The following ZFHX3 variants were observed in gnomAD, a reference collection of about 807,000 sequenced individuals.
ZFHX3 encodes zinc finger homeobox 3.
In ZFHX3, 42 loss-of-function variants were observed where a neutral mutation model predicts 279.1. The ratio of observed to expected loss-of-function variants is 0.15; its 90% CI spans 0.12 to 0.19. The LOEUF (loss-of-function observed/expected upper bound fraction) is 0.19. ZFHX3 is among the 10% of genes least tolerant of loss of function. The probability of loss-of-function intolerance (pLI) is 1.00; values close to 1 mark genes in which losing one functional copy is unlikely to be tolerated. For synonymous variants in ZFHX3, 2,293 were observed against 1,957.8 expected (o/e 1.17, Z -4.52); for missense variants, 4,981 against 4,754.0 (o/e 1.05, Z -1.40).
chr16:73,249,558 G>GC (rs2013417408), intron 5 of ZFHX3, among the ~76,000 whole-genome samples: 1 of 152,020 alleles, frequency 6.6e-6, no homozygotes, highest in South Asian at 2.1e-4. Context: ...GGGGGAAACC[G>GC]CCCCCAAGAT....
In ZFHX3 at chr16:72,787,883, A is replaced by C; in HGVS notation, c.10393T>G (p.Leu3465Val). Residue 3465 changes from leucine to valine, a missense_variant, in exon 10 of 10, where the codon TTG becomes GTG. This residue lies in a region of ZFHX3 where 1,034 missense variants were observed against 786.0 expected (regional missense o/e 1.32). Transcript: ENST00000268489. ...PFIVPKVQYKLVCRKCQAGFS... is the reference protein window; with the variant it reads ...PFIVPKVQYKVVCRKCQAGFS... ...CCCGCCTGGCACTTGCGGCAGACCA[A>C]CTTGTACTGCACCTTTGGAACAATG... 6.2e-7 allele frequency: 1 copy of C among 1,613,922 alleles called. No homozygotes were observed. The highest frequency in any genetic ancestry group is 8.5e-7 in the Non-Finnish European group (1 of 1,179,988).
intron 4 of ZFHX3, among the ~76,000 whole-genome samples, chr16:73,286,626 T>C (rs1474412475): frequency 1.3e-5 from 2 of 150,212 alleles, no homozygotes; most frequent in African/African-American, 4.9e-5. Flanking sequence ...GGTGTGTGGG[T>C]CTGTGTGTAG....
intron 1 of ZFHX3, among the ~76,000 whole-genome samples, chr16:73,762,150 A>G (rs1026434567): frequency 6.6e-6 from 1 of 152,016 alleles, no homozygotes; most frequent in African/African-American, 2.4e-5. Context: ...AAAAAAAACA[A>G]CACCATTAAA....
At chr16:73,615,336 T>C (rs1344340201) in intron 2 of ZFHX3, among the ~76,000 whole-genome samples, 1 of 152,004 alleles carries the variant, frequency 6.6e-6, no homozygotes, top group Admixed American at 6.6e-5. Context: ...AGAAAGGCGA[T>C]TCCAGCTCTC....
chr16:73,726,876 C>A (rs1160173939), intron 1 of ZFHX3, among the ~76,000 whole-genome samples: 1 of 152,214 alleles, frequency 6.6e-6, no homozygotes, highest in African/African-American at 2.4e-5. Context: ...CAAACTATAT[C>A]TGCATCCTGG....
intron 1 of ZFHX3, among the ~76,000 whole-genome samples, chr16:73,700,964 G>T (rs773359827): frequency 1.3e-5 from 2 of 152,128 alleles, no homozygotes; most frequent in African/African-American, 4.8e-5. Context: ...CTTGTGAAAG[G>T]TCTTTTTTTT....
intron 2 of ZFHX3, among the ~76,000 whole-genome samples, chr16:73,664,515 A>AT (rs1045331509): frequency 1.3e-5 from 2 of 152,200 alleles, no homozygotes; most frequent in Non-Finnish European, 2.9e-5. Flanking sequence ...ATTGCAAGTG[A>AT]TTTAAAAAAA....
chr16:73,512,998 G>T (rs1047092822), intron 2 of ZFHX3, among the ~76,000 whole-genome samples: 1 of 152,196 alleles, frequency 6.6e-6, no homozygotes, highest in Admixed American at 6.5e-5. Flanking sequence ...ATAGAAGAGG[G>T]TTCCCTAGTT....
At position 73,711,260 on chromosome 16, in the gene ZFHX3, C is replaced by CA. The variant is rs113823527; in HGVS notation, c.-1607-31021dup. On this transcript the variant is annotated intron_variant, in intron 1 of 17. Transcript: ENST00000641206. ...CCCTCTACTCTCCAGAGAGGTGGGC[C>CA]AAAAAAAAACCATCCCGTGAAGTTT... is the stretch of plus-strand genomic sequence containing the variant. Among the ~76,000 whole-genome samples, 787 of 147,426 alleles carry CA rather than the reference C, an allele frequency of 5.3e-3. 4 individuals carry two copies. Among genetic ancestry groups the CA allele is most frequent in the African/African-American group, 0.016 (625 of 40,264 alleles).
intron 3 of ZFHX3, among the ~76,000 whole-genome samples, chr16:72,934,301 G>A (rs867027384): frequency 9.2e-5 from 14 of 152,090 alleles, no homozygotes; most frequent in South Asian, 6.2e-4. Flanking sequence ...GGTGGCGGGC[G>A]CCTGTAATCC....
intron 5 of ZFHX3, among the ~76,000 whole-genome samples, chr16:73,181,100 G>C (rs1567411742): frequency 6.9e-6 from 1 of 145,276 alleles, no homozygotes; most frequent in African/African-American, 2.5e-5. Flanking sequence ...GTTTTGTTTT[G>C]TTTTGTTTTG....
At chr16:73,139,441 C>G (rs1007013519) in intron 6 of ZFHX3, among the ~76,000 whole-genome samples, 1 of 152,114 alleles carries the variant, frequency 6.6e-6, no homozygotes, top group East Asian at 1.9e-4. Context: ...AATTTTTATG[C>G]TTTGATAAAT....
chr16:73,498,653 C>G (rs1418880864), intron 2 of ZFHX3, among the ~76,000 whole-genome samples: 2 of 152,138 alleles, frequency 1.3e-5, no homozygotes, highest in African/African-American at 2.4e-5. Flanking sequence ...AGCAGAGAGC[C>G]AAGTTCATCA....
At position 73,352,636 on chromosome 16, in the gene ZFHX3, C is replaced by T. The variant is rs142797299; in HGVS notation, c.-1290-34300G>A. The stretch of plus-strand genomic sequence containing the variant: ...CTGGGACTACAGGCATGTGCCACCA[C>T]GCCAGGTTGATTTAAAAAAGTTTTT... On this transcript the variant is annotated intron_variant, in intron 3 of 17. Coordinates refer to the ZFHX3 transcript ENST00000641206. Among the ~76,000 whole-genome samples the T allele has an allele frequency of 6.9e-3, 1,052 of 151,948 alleles. 11 individuals are homozygous for T. Among genetic ancestry groups the T allele is most frequent in the African/African-American group, 0.024 (975 of 41,406 alleles).
chr16:73,490,273 T>G (rs8053178), intron 2 of ZFHX3, among the ~76,000 whole-genome samples: 34,768 of 152,152 alleles, frequency 0.23, 4,420 homozygotes, highest in African/African-American at 0.35. Context: ...AACTCCAGTA[T>G]TTCCACTAAC....
chr16:73,168,705 C>T (rs1967452079), intron 5 of ZFHX3, among the ~76,000 whole-genome samples: 1 of 152,188 alleles, frequency 6.6e-6, no homozygotes, highest in South Asian at 2.1e-4. Context: ...AGCACTTGTT[C>T]CAAGGGCAAC....
At chr16:73,884,241 C>T (rs1330620653) in intron 1 of ZFHX3, among the ~76,000 whole-genome samples, 1 of 152,034 alleles carries the variant, frequency 6.6e-6, no homozygotes, top group Non-Finnish European at 1.5e-5. Flanking sequence ...ACCTACTGAT[C>T]TGAATACAAC....
chr16:73,724,558 G>A (rs887580056), intron 1 of ZFHX3, among the ~76,000 whole-genome samples: 3 of 152,142 alleles, frequency 2.0e-5, no homozygotes, highest in African/African-American at 7.2e-5. Flanking sequence ...CCCAGCCTTG[G>A]TAGGCATTTG....
intron 3 of ZFHX3, among the ~76,000 whole-genome samples, chr16:73,376,750 C>A (rs1322903230): frequency 6.6e-6 from 1 of 152,110 alleles, no homozygotes; most frequent in Admixed American, 6.5e-5. Context: ...TGTCAATGGA[C>A]GACATAGTAG....
Sources: allele counts gnomAD v4.1 joint callset (sites outside exome capture counted in the v4.1 genomes callset), GRCh38; gene constraint gnomAD v4.1.1; regional missense constraint gnomAD v4.1.1; transcripts MANE v1.5; gene names NCBI Gene and HGNC (gene_info 2026-07-23, HGNC 2026-07-21).